The following QPCT variants were observed in gnomAD, a reference collection of about 807,000 sequenced individuals.
QPCT encodes glutaminyl-peptide cyclotransferase.
QPCT carries 44 observed loss-of-function variants against 43.4 expected under a neutral mutation model. The ratio of observed to expected loss-of-function variants is 1.01; its 90% CI spans 0.80 to 1.30. The LOEUF (loss-of-function observed/expected upper bound fraction) is 1.30, where lower values mean the gene tolerates loss of function less well. QPCT is among the 50% of genes most tolerant of loss of function. QPCT has a pLI of 0.00. For synonymous variants in QPCT, 168 were observed against 168.4 expected, an observed-to-expected ratio of 1.00 and a Z score of 0.02; for missense variants, 526 against 436.5, an observed-to-expected ratio of 1.21 and a Z score of -1.83.
At chr2:37,348,897 T>G (rs1672563918) in intron 1 of QPCT, among the ~76,000 whole-genome samples, 1 of 152,232 alleles carries the variant, frequency 6.6e-6, no homozygotes. Context: ...TGGGCTCAAC[T>G]TTGTTTTTGC....
Position 37,359,710 on chromosome 2 carries a change from G to C in QPCT, c.398G>C (p.Arg133Pro). 6.2e-7 allele frequency: 1 copy of C among 1,614,090 alleles called. No homozygotes were observed. The highest frequency in any genetic ancestry group is 1.1e-5 in the South Asian group (1 of 91,084). The change falls in exon 3 of 7, where the codon CGA (arginine) becomes CCA (proline). Residue 133 changes from arginine (R) to proline (P), a missense_variant. Transcript: ENST00000338415. The stretch of plus-strand genomic sequence containing the variant: ...AGCACCCTCAATCCCACTGCTAAAC[G>C]ACATTTGGTCCTCGCCTGCCACTAT... ...IISTLNPTAK[R>P]HLVLACHYDS...
intron 1 of QPCT, among the ~76,000 whole-genome samples, chr2:37,345,275 C>T (rs1223067357): frequency 1.3e-5 from 2 of 150,756 alleles, no homozygotes; most frequent in South Asian, 2.1e-4. Context: ...TGCCCACAGC[C>T]CCCCCGCTGC....
chr2:37,366,269 C>G (rs972382351), intron 3 of QPCT, among the ~76,000 whole-genome samples: 5 of 152,136 alleles, frequency 3.3e-5, no homozygotes, highest in Non-Finnish European at 7.4e-5. Flanking sequence ...AGTTAGAATC[C>G]TAGTCACTCT....
chr2:37,347,015 C>T (rs1175684917), intron 1 of QPCT, among the ~76,000 whole-genome samples: 1 of 149,430 alleles, frequency 6.7e-6, no homozygotes, highest in Admixed American at 6.8e-5. Flanking sequence ...CATTCAGAGG[C>T]CATGATTTGA....
Position 37,359,732 on chromosome 2 carries a change from C to G in QPCT, c.420C>G (p.His140Gln). Reference protein sequence around the residue: ...TAKRHLVLACHYDSKYFSHWN... With the variant: ...TAKRHLVLACQYDSKYFSHWN... ...AACGACATTTGGTCCTCGCCTGCCA[C>G]TATGACTCCAAGTATTTTTCCCACT... The change falls in exon 3 of 7, where the codon CAC becomes CAG. Residue 140 changes from histidine to glutamine, a missense_variant. His to Gln is a conservative substitution (Grantham distance 24, BLOSUM62 0). Coordinates refer to ENST00000338415, the MANE Select transcript of QPCT (RefSeq NM_012413.4). 1 of 1,614,172 alleles carries G rather than the reference C, an allele frequency of 6.2e-7. No individual in the cohort carries two copies. Among genetic ancestry groups the G allele is most frequent in the Non-Finnish European group, 8.5e-7 (1 of 1,180,024 alleles).
intron 3 of QPCT, 92 bp downstream of exon 3, chr2:37,359,950 A>G (rs1166447302): frequency 7.6e-7 from 1 of 1,319,814 alleles, no homozygotes. Context: ...TGAGAAGGCC[A>G]TTTAGAAATG....
chr2:37,347,756 A>G (rs772158054), intron 1 of QPCT, among the ~76,000 whole-genome samples: 9 of 152,190 alleles, frequency 5.9e-5, no homozygotes, highest in Non-Finnish European at 1.2e-4. Context: ...CCTTTAGTAC[A>G]ACATTGTCAA....
chr2:37,366,730 C>T (rs187548601), intron 3 of QPCT, among the ~76,000 whole-genome samples: 30 of 152,332 alleles, frequency 2.0e-4, no homozygotes, highest in Admixed American at 1.8e-3. Flanking sequence ...AGCTGCAGTG[C>T]AGGTTCAACA....
At chr2:37,345,640 C>T (rs1193270243) in intron 1 of QPCT, among the ~76,000 whole-genome samples, 3 of 151,888 alleles carry the variant, frequency 2.0e-5, no homozygotes, top group Non-Finnish European at 2.9e-5. Flanking sequence ...TCGAGACCAT[C>T]AGGGCTAACA....
At chr2:37,355,202 G>T (rs1189207959) in intron 2 of QPCT, among the ~76,000 whole-genome samples, 1 of 152,102 alleles carries the variant, frequency 6.6e-6, no homozygotes, top group Non-Finnish European at 1.5e-5. Flanking sequence ...TTCCATTTTA[G>T]AATTTTTTGA....
At chr2:37,346,144 T>C (rs373109752) in intron 1 of QPCT, among the ~76,000 whole-genome samples, 1 of 152,272 alleles carries the variant, frequency 6.6e-6, no homozygotes. Flanking sequence ...TGCATATATA[T>C]ATGAATAGCC....
intron 1 of QPCT, among the ~76,000 whole-genome samples, chr2:37,350,308 G>A (rs1672593789): frequency 6.6e-6 from 1 of 152,164 alleles, no homozygotes; most frequent in African/African-American, 2.4e-5. Flanking sequence ...AATTAACCAT[G>A]GAAGTCTTCT....
At chr2:37,361,066 T>G (rs1672849916) in intron 3 of QPCT, among the ~76,000 whole-genome samples, 1 of 152,170 alleles carries the variant, frequency 6.6e-6, no homozygotes, top group Non-Finnish European at 1.5e-5. Context: ...GTTATTGGAT[T>G]GGGGTCATCA....
At chr2:37,372,167 C>G (rs1234120801) in intron 5 of QPCT, among the ~76,000 whole-genome samples, 189 bp from the exon 6 acceptor site, 2 of 152,156 alleles carry the variant, frequency 1.3e-5, no homozygotes, top group South Asian at 2.1e-4. Context: ...TCTTCCTGCT[C>G]CAAAGTGTAC....
chr2:37,346,876 C>G (rs79078282), intron 1 of QPCT, among the ~76,000 whole-genome samples: 1,746 of 151,896 alleles, frequency 0.011, 10 homozygotes, highest in Middle Eastern at 0.027. Context: ...GTACACTGGT[C>G]TGCTAACAGG....
chr2:37,351,076 G>T (rs773139088), intron 1 of QPCT, among the ~76,000 whole-genome samples: 11 of 152,198 alleles, frequency 7.2e-5, no homozygotes, highest in African/African-American at 2.4e-4. Context: ...GAGTATAGAT[G>T]AGTGTAAATA....
At chr2:37,353,237 C>T (rs1225140481) in intron 2 of QPCT, among the ~76,000 whole-genome samples, 2 of 152,160 alleles carry the variant, frequency 1.3e-5, no homozygotes, top group Non-Finnish European at 2.9e-5. Flanking sequence ...TTCTTGAATC[C>T]TAAACAATGA....
At chr2:37,355,835 A>G (rs1672731490) in intron 2 of QPCT, among the ~76,000 whole-genome samples, 1 of 152,178 alleles carries the variant, frequency 6.6e-6, no homozygotes, top group Admixed American at 6.5e-5. Context: ...AAAAGAGGCA[A>G]ACTAGAAACT....
chr2:37,372,222 T>C, intron 5 of QPCT, 134 bp from the exon 6 acceptor site: 1 of 711,452 alleles, frequency 1.4e-6, no homozygotes, highest in Non-Finnish European at 2.5e-6. Flanking sequence ...GGTGTGGCCA[T>C]GCTTGCTGTT....
Sources: gnomAD v4.1 joint callset for allele counts (sites outside exome capture counted in the v4.1 genomes callset) on GRCh38, gnomAD v4.1.1 for gene constraint, MANE v1.5 for transcripts, NCBI Gene and HGNC (gene_info 2026-07-23, HGNC 2026-07-21) for gene names.